The following ACSS2 variants were observed in gnomAD, a reference collection of about 807,000 sequenced individuals.
The protein encoded by ACSS2 is acyl-CoA synthetase short chain family member 2.
A neutral mutation model predicts 90.6 loss-of-function variants in ACSS2; 58 were observed. The ratio of observed to expected loss-of-function variants is 0.64; its 90% confidence interval spans 0.52 to 0.80. ACSS2 has a LOEUF of 0.80. Ranked by LOEUF, ACSS2 falls within the 30% of genes least tolerant of loss-of-function variation. ACSS2 has a pLI of 0.00. For missense variants in ACSS2, 759 were observed against 912.0 expected (o/e 0.83, Z 2.16); for synonymous variants, 300 against 330.9 (o/e 0.91, Z 1.01).
At position 34,883,406 on chromosome 20, in the gene ACSS2, A is replaced by C. The variant is rs1009930429; in HGVS notation, c.374+417A>C. ...TGCTTAACAAATACTATCTCCTTTG[A>C]TGCTTATAATAATTATGAAAGCACT... On this transcript the variant is annotated intron_variant, in intron 2 of 17. Transcript: ENST00000360596. Among the ~76,000 whole-genome samples, 8 of 152,222 alleles carry C rather than the reference A, an allele frequency of 5.3e-5. No homozygotes were observed. In the South Asian group the frequency reaches 1.7e-3, roughly 32 times the overall value.
chr20:34,887,014 C>A (rs1851063738), intron 2 of ACSS2, among the ~76,000 whole-genome samples: 1 of 152,198 alleles, frequency 6.6e-6, no homozygotes, highest in Non-Finnish European at 1.5e-5. Flanking sequence ...CTCCCATTAT[C>A]CAAAATAGAA....
intron 12 of ACSS2, 25 bp from the exon 13 acceptor site, chr20:34,921,761 G>A: frequency 6.2e-7 from 1 of 1,612,448 alleles, no homozygotes; most frequent in Non-Finnish European, 8.5e-7. Flanking sequence ...CCTCTTCTTG[G>A]GTTCTGTCTC....
At chr20:34,887,600 A>G (rs2080228265) in intron 2 of ACSS2, among the ~76,000 whole-genome samples, 1 of 151,840 alleles carries the variant, frequency 6.6e-6, no homozygotes, top group Admixed American at 6.6e-5. Flanking sequence ...AATCAGCTGG[A>G]TGTGGTGGCA....
intron 1 of ACSS2, among the ~76,000 whole-genome samples, chr20:34,878,090 C>T (rs1382519884): frequency 6.6e-6 from 1 of 152,168 alleles, no homozygotes; most frequent in Non-Finnish European, 1.5e-5. Flanking sequence ...GACGCCATGA[C>T]ACCCAGCTAC....
intron 2 of ACSS2, among the ~76,000 whole-genome samples, chr20:34,900,849 G>A (rs147980396): frequency 0.012 from 1,855 of 152,222 alleles, 34 homozygotes; most frequent in Admixed American, 0.025. Context: ...AGTTCTCAGA[G>A]TTCCTACATT....
At chr20:34,925,968 G>T (rs1038417116) in intron 15 of ACSS2, 137 bp from the exon 16 acceptor site, 6 of 1,045,240 alleles carry the variant, frequency 5.7e-6, no homozygotes, top group South Asian at 1.4e-5. Context: ...TGGGGTGACT[G>T]AAAGCATGTC....
At chr20:34,923,822 C>T (rs1219089931) in intron 14 of ACSS2, among the ~76,000 whole-genome samples, 1 of 148,718 alleles carries the variant, frequency 6.7e-6, no homozygotes, top group Non-Finnish European at 1.5e-5. Flanking sequence ...CCCCCCACCT[C>T]CCCGGCCTTG....
intron 2 of ACSS2, among the ~76,000 whole-genome samples, chr20:34,900,884 C>T (rs919890842): frequency 1.4e-4 from 21 of 152,030 alleles, no homozygotes; most frequent in African/African-American, 4.6e-4. Context: ...TATGCTAATT[C>T]TGAATTTGGA....
chr20:34,926,199 G>C lies in ACSS2; in HGVS notation c.1821G>C (p.Lys607Asn). ...AAVVGHPHPVKGECLYCFVTL... is the reference protein window; with the variant it reads ...AAVVGHPHPVNGECLYCFVTL... ...TGGTGGGCCACCCTCATCCTGTGAA[G>C]GGTGAATGCCTCTACTGCTTTGTCA... The change falls in exon 16 of 18, where the codon AAG becomes AAC. Residue 607 changes from lysine to asparagine, a missense_variant. Lys to Asn is a moderately conservative substitution (Grantham distance 94). Transcript: ENST00000360596. The C allele has an allele frequency of 6.2e-7, 1 of 1,614,214 alleles. No individual in the cohort carries two copies. Among genetic ancestry groups the C allele is most frequent in the Non-Finnish European group, 8.5e-7 (1 of 1,180,034 alleles).
intron 2 of ACSS2, among the ~76,000 whole-genome samples, chr20:34,905,914 G>C (rs959185071): frequency 1.3e-5 from 2 of 152,100 alleles, no homozygotes; most frequent in Non-Finnish European, 2.9e-5. Flanking sequence ...TGGTGTAGAG[G>C]AAAGAGGCCT....
At chr20:34,885,764 C>G (rs1324448335) in intron 2 of ACSS2, among the ~76,000 whole-genome samples, 2 of 152,156 alleles carry the variant, frequency 1.3e-5, no homozygotes, top group African/African-American at 4.8e-5. Flanking sequence ...ATGGAACACC[C>G]ACTGGGGAAG....
At chr20:34,894,595 G>GT (rs1291950414) in intron 2 of ACSS2, among the ~76,000 whole-genome samples, 2 of 152,108 alleles carry the variant, frequency 1.3e-5, no homozygotes, top group East Asian at 3.9e-4. Context: ...AGCCTGGGAG[G>GT]TTGAGGCTGC....
chr20:34,897,479 T>C (rs1226406220), intron 2 of ACSS2, among the ~76,000 whole-genome samples: 1 of 152,188 alleles, frequency 6.6e-6, no homozygotes, highest in Non-Finnish European at 1.5e-5. Flanking sequence ...GCCCTTTGTG[T>C]CTGGTTTCTT....
chr20:34,920,796 G>C (rs2081179739), intron 9 of ACSS2, 87 bp downstream of exon 9: 5 of 1,501,936 alleles, frequency 3.3e-6, no homozygotes, highest in Admixed American at 2.0e-5. Context: ...TCTAGAGGGA[G>C]GGGGACTTAT....
chr20:34,884,431 CCA>C (rs1487399367), intron 2 of ACSS2, among the ~76,000 whole-genome samples: 1 of 152,212 alleles, frequency 6.6e-6, no homozygotes, highest in African/African-American at 2.4e-5. Flanking sequence ...TGTTATATAA[CCA>C]CAGACAAGGC....
At position 34,920,899 on chromosome 20, in the gene ACSS2, G is replaced by T; in HGVS notation, c.1144-107G>T. On this transcript the variant is annotated intron_variant, in intron 9 of 17. Coordinates refer to ENST00000360596, the MANE Select transcript of ACSS2 (RefSeq NM_018677.4). ...TTGGCTTGTCTGGCCAGGGAGTGAA[G>T]ATATGGTTGGTCAGAAAGGGCAAAA... 5 of 1,548,488 alleles carry T rather than the reference G, an allele frequency of 3.2e-6. 1 individual carries two copies. The Middle Eastern group carries it at 6.9e-4, about 212-fold the overall frequency.
At chr20:34,885,976 A>ATTTTTTTTTTTTTT (rs2080182183) in intron 2 of ACSS2, among the ~76,000 whole-genome samples, 9 of 145,458 alleles carry the variant, frequency 6.2e-5, no homozygotes, top group African/African-American at 2.3e-4. Context: ...TTACTATTTA[A>ATTTTTTTTTTTTTT]TTATTTTATG....
intron 4 of ACSS2, 38 bp from the exon 5 acceptor site, chr20:34,913,715 G>A: frequency 6.3e-7 from 1 of 1,584,384 alleles, no homozygotes; most frequent in Non-Finnish European, 8.7e-7. Context: ...AATCCCTGGG[G>A]CTTTCTTCTC....
At chr20:34,926,814 T>G in intron 16 of ACSS2, 63 bp from the exon 17 acceptor site, 2 of 1,573,812 alleles carry the variant, frequency 1.3e-6, no homozygotes, top group Admixed American at 1.7e-5. Context: ...CCATCTCTAC[T>G]TTGATTTTTG....
Sources: gnomAD v4.1 joint callset for allele counts (sites outside exome capture counted in the v4.1 genomes callset) on GRCh38, gnomAD v4.1.1 for gene constraint, MANE v1.5 for transcripts, NCBI Gene and HGNC (gene_info 2026-07-23, HGNC 2026-07-21) for gene names.